VSIG2: variants seen among roughly 807,000 people sequenced by gnomAD.
VSIG2 encodes the protein V-set and immunoglobulin domain containing 2.
In VSIG2, 30 loss-of-function variants were observed where a neutral mutation model predicts 29.4. The observed-to-expected ratio is 1.02, with a 90% CI of 0.76 to 1.38. VSIG2 has a LOEUF of 1.38. Among genes scored for constraint, VSIG2 ranks in the 40% most tolerant of loss-of-function variants. The pLI is 0.00. For synonymous variants in VSIG2, 178 were observed against 174.2 expected, an observed-to-expected ratio of 1.02 and a Z score of -0.17; for missense variants, 421 against 400.8, an observed-to-expected ratio of 1.05 and a Z score of -0.43.
chr11:124,750,636 A>C, intron 3 of VSIG2, 78 bp downstream of exon 3: 8 of 1,481,510 alleles, frequency 5.4e-6, no homozygotes, highest in Non-Finnish European at 7.4e-6. Flanking sequence ...GTCAGAAACC[A>C]GAGATTTAGC....
At chr11:124,751,993 G>A in intron 1 of VSIG2, 84 bp downstream of exon 1, 1 of 1,426,624 alleles carries the variant, frequency 7.0e-7, no homozygotes, top group East Asian at 2.6e-5. Context: ...CTGGCCTGGC[G>A]GGGACAGAGT....
rs1399426188 is a variant in VSIG2 at position 124,750,861 on chromosome 11, G to A, written c.280C>T (p.Leu94=). The change falls in exon 3 of 7, where the codon CTG becomes TTG. Residue 94 remains leucine (L), a synonymous_variant. Coordinates refer to ENST00000326621, the MANE Select transcript of VSIG2 (RefSeq NM_014312.5). ...PTGSKSKRVS[L]LQNPPTVGVA... ...CCCACTGTGGGGGGGTTCTGAAGCA[G>A]GCTGACCCGCTTTGACTTAGAACCA... 1.2e-6 allele frequency: 2 copies of A among 1,614,100 alleles called. No homozygotes were observed. Among genetic ancestry groups the A allele is most frequent in the South Asian group, 1.1e-5 (1 of 91,074 alleles).
chr11:124,752,026 C>G, intron 1 of VSIG2, 51 bp downstream of exon 1: 1 of 1,521,580 alleles, frequency 6.6e-7, no homozygotes, highest in South Asian at 1.3e-5. Flanking sequence ...CCGGGGAAGC[C>G]AGGCCTATGC....
Position 124,749,792 on chromosome 11 carries a change from A to T in VSIG2, c.502T>A (p.Ser168Thr), listed in dbSNP as rs756796747. ...VGGSTALRCS[S>T]SEGAPKPVYN... The stretch of plus-strand genomic sequence containing the variant: ...ACTGGCTTAGGAGCCCCCTCGGAAG[A>T]GCTGCATCTCAGTGCAGTAGAGCCT... Residue 168 changes from serine (S) to threonine (T), a missense_variant, in exon 4 of 7, where the codon TCT (serine) becomes ACT (threonine). By Grantham distance (58) the Ser-to-Thr change is moderately conservative (BLOSUM62 1). Coordinates refer to ENST00000326621, the MANE Select transcript of VSIG2 (RefSeq NM_014312.5). 6.3e-7 allele frequency: 1 copy of T among 1,590,614 alleles called. No homozygotes were observed. Among genetic ancestry groups the T allele is most frequent in the Non-Finnish European group, 8.6e-7 (1 of 1,166,308 alleles).
At chr11:124,747,794 A>C in intron 6 of VSIG2, 127 bp from the exon 7 acceptor site, 1 of 1,091,588 alleles carries the variant, frequency 9.2e-7, no homozygotes, top group South Asian at 1.6e-5. Flanking sequence ...GGTTAAAATG[A>C]AATTTCTGGG....
intron 4 of VSIG2, among the ~76,000 whole-genome samples, chr11:124,749,345 T>C (rs1393404381): frequency 3.9e-5 from 6 of 152,120 alleles, no homozygotes; most frequent in Non-Finnish European, 7.4e-5. Flanking sequence ...AGCCAGTCCA[T>C]GCTACTCTGC....
chr11:124,748,552 C>A lies in VSIG2; in HGVS notation c.707-18G>T. ...GGAGGGTTCTAAGGAGATACAGGAC[C>A]CTCACTCAGAATTGCAGGCTTTCCT... On this transcript the variant is annotated intron_variant, in intron 5 of 6. Transcript: ENST00000326621. The A allele has an allele frequency of 1.9e-6, 3 of 1,611,978 alleles. No homozygotes were observed. Among genetic ancestry groups the A allele is most frequent in the Non-Finnish European group, 2.5e-6 (3 of 1,178,722 alleles).
At position 124,750,853 on chromosome 11, in the gene VSIG2, C is replaced by G. The variant is rs929164827; in HGVS notation, c.288G>C (p.Gln96His). ...GSKSKRVSLL[Q>H]NPPTVGVATL... ...TGGCCACCCCCACTGTGGGGGGGTTCTGAAGCAGGCTGACCCGCTTTGACT... is the reference window on the plus strand; with the variant it reads ...TGGCCACCCCCACTGTGGGGGGGTTGTGAAGCAGGCTGACCCGCTTTGACT... The change falls in exon 3 of 7, where the codon CAG (glutamine) becomes CAC (histidine). Residue 96 changes from glutamine to histidine, a missense_variant. Physicochemically the swap from Gln to His is conservative, Grantham distance 24. Transcript: ENST00000326621. 1 of 1,614,130 alleles carries G rather than the reference C, an allele frequency of 6.2e-7. No homozygotes were observed. Among genetic ancestry groups the G allele is most frequent in the East Asian group, 2.2e-5 (1 of 44,864 alleles).
chr11:124,751,492 C>A lies in VSIG2; in HGVS notation c.150G>T (p.Ser50=). ...ACTCCAGGGCGAAGCTGTCTCCCAC[C>A]GACGTGCTGTAGGTGCAGGTCAGCT... ...TAELTCTYST[S]VGDSFALEWS... Residue 50 remains serine (S), a synonymous_variant, in exon 2 of 7, where the codon TCG becomes TCT. Transcript: ENST00000326621. The A allele has an allele frequency of 6.2e-7, 1 of 1,613,132 alleles. No individual in the cohort carries two copies. The highest frequency in any genetic ancestry group is 8.5e-7 in the Non-Finnish European group (1 of 1,179,994).
chr11:124,749,885 A>AAAAAAAAAAAACAAAAAAAAAAAC lies in VSIG2; in HGVS notation c.428-20_428-19insGTTTTTTTTTTTGTTTTTTTTTTT. The AAAAAAAAAAAACAAAAAAAAAAAC allele has an allele frequency of 7.1e-7, 1 of 1,417,534 alleles. No homozygotes were observed. The highest frequency in any genetic ancestry group is 9.3e-7 in the Non-Finnish European group (1 of 1,078,338). The allele number at this position is 1,417,534 out of a possible 1,614,324, so 87.8% of individuals were successfully genotyped here. A position where few individuals can be genotyped will look rare whatever the true frequency, so the allele number is the denominator to read the frequency against. On this transcript the variant is annotated intron_variant, in intron 3 of 6. Coordinates refer to ENST00000326621, the MANE Select transcript of VSIG2 (RefSeq NM_014312.5). ...GGGGGAACTGCAAAAAAAAAAAAAA[A>AAAAAAAAAAAACAAAAAAAAAAAC]AAAAAAAAAACAGAAAGTTCCTCAG...
chr11:124,747,688 C>G (rs1944030292), intron 6 of VSIG2, 21 bp from the exon 7 acceptor site: 1 of 1,610,132 alleles, frequency 6.2e-7, no homozygotes, highest in Non-Finnish European at 8.5e-7. Context: ...TAGGCAAGTT[C>G]TGAGTGAACA....
In VSIG2 at chr11:124,751,409, C is replaced by T. The variant is rs904052311; in HGVS notation, c.219+14G>A. 3.7e-6 allele frequency: 6 copies of T among 1,610,074 alleles called. No individual in the cohort carries two copies. In the African/African-American group the frequency reaches 4.0e-5, roughly 11 times the overall value. ...CCAGGCCAACCCAGCTTCATGCAGT[C>T]GCTCTCAGCTCACTGGATGGGACTC... is the stretch of plus-strand genomic sequence containing the variant. On this transcript the variant is annotated intron_variant, in intron 2 of 6. Coordinates refer to ENST00000326621, the MANE Select transcript of VSIG2 (RefSeq NM_014312.5).
intron 6 of VSIG2, 137 bp downstream of exon 6, chr11:124,748,253 A>T: frequency 9.7e-7 from 1 of 1,034,902 alleles, no homozygotes; most frequent in Non-Finnish European, 1.4e-6. Flanking sequence ...TGCTGCCACC[A>T]GCAAATTCCA....
chr11:124,749,627 G>A (rs1205374041), intron 4 of VSIG2, 81 bp downstream of exon 4: 5 of 1,533,890 alleles, frequency 3.3e-6, no homozygotes, highest in East Asian at 2.3e-5. Flanking sequence ...GTCATGGAAC[G>A]GATAATACGG....
At chr11:124,751,942 C>T (rs1944091495) in intron 1 of VSIG2, 135 bp downstream of exon 1, 1 of 1,097,466 alleles carries the variant, frequency 9.1e-7, no homozygotes, top group African/African-American at 1.6e-5. Context: ...CCGGCCTCAC[C>T]TCAGGCGCCT....
intron 6 of VSIG2, chr11:124,748,075 C>A: frequency 2.6e-6 from 1 of 388,274 alleles, no homozygotes; most frequent in Non-Finnish European, 4.6e-6. Context: ...GCCACTACTA[C>A]TCCCAGGTGG....
At chr11:124,748,308 G>C in intron 6 of VSIG2, 82 bp downstream of exon 6, 1 of 1,417,560 alleles carries the variant, frequency 7.1e-7, no homozygotes, top group African/African-American at 1.4e-5. Context: ...GAATGATGTC[G>C]GAGTTTGAGG....
Position 124,749,812 on chromosome 11 carries a change from G to C in VSIG2, c.482C>G (p.Ser161Cys). The C allele has an allele frequency of 6.4e-7, 1 of 1,571,798 alleles. No homozygotes were observed. Among genetic ancestry groups the C allele is most frequent in the Non-Finnish European group, 8.7e-7 (1 of 1,155,912 alleles). The change falls in exon 4 of 7, where the codon TCT becomes TGT. Residue 161 changes from serine (S) to cysteine (C), a missense_variant. Ser to Cys is a moderately radical substitution (Grantham distance 112, BLOSUM62 -1). Coordinates refer to ENST00000326621, the MANE Select transcript of VSIG2 (RefSeq NM_014312.5). ...SQSGQTSVGG[S>C]TALRCSSSEG... ...GGAAGAGCTGCATCTCAGTGCAGTA[G>C]AGCCTCCCACAGAGGTTTGTCCACT...
Position 124,751,532 on chromosome 11 carries a change from A to G in VSIG2, c.110T>C (p.Leu37Pro), listed in dbSNP as rs1325001709. Residue 37 changes from leucine to proline, a missense_variant, in exon 2 of 7, where the codon CTG (leucine) becomes CCG (proline). Coordinates refer to ENST00000326621, the MANE Select transcript of VSIG2 (RefSeq NM_014312.5). ...KVPTEPLSTP[L>P]GKTAELTCTY... Reference sequence around the variant, plus strand: ...GCAGGTCAGCTCGGCTGTCTTCCCCAGGGGCGTGCTCAGCGGCTCTGTGGG... The same window carrying G: ...GCAGGTCAGCTCGGCTGTCTTCCCCGGGGGCGTGCTCAGCGGCTCTGTGGG... 2 of 1,611,744 alleles carry G rather than the reference A, an allele frequency of 1.2e-6. No individual in the cohort carries two copies. Among genetic ancestry groups the G allele is most frequent in the South Asian group, 1.1e-5 (1 of 91,064 alleles).
Sources: gnomAD v4.1 joint callset for allele counts (sites outside exome capture counted in the v4.1 genomes callset) on GRCh38, gnomAD v4.1.1 for gene constraint, MANE v1.5 for transcripts, NCBI Gene and HGNC (gene_info 2026-07-23, HGNC 2026-07-21) for gene names.